PICALM: variants seen among roughly 807,000 people sequenced by gnomAD.
PICALM encodes phosphatidylinositol binding clathrin assembly protein.
Under a neutral mutation model 80.5 loss-of-function variants are expected in PICALM, and 40 were observed. The observed-to-expected ratio is 0.50, with a 90% confidence interval of 0.39 to 0.65. The LOEUF is 0.65. PICALM is among the 30% of genes least tolerant of loss of function. The probability of loss-of-function intolerance (pLI) is 0.00; values close to 1 mark genes in which losing one functional copy is unlikely to be tolerated. For missense variants in PICALM, 676 were observed against 778.9 expected, an observed-to-expected ratio of 0.87 and a Z score of 1.57; for synonymous variants, 288 against 260.3, an observed-to-expected ratio of 1.11 and a Z score of -1.02.
At chr11:85,976,800 T>C (rs996679441) in intron 17 of PICALM, 118 bp from the exon 18 acceptor site, 1 of 638,962 alleles carries the variant, frequency 1.6e-6, no homozygotes, top group African/African-American at 1.8e-5. Flanking sequence ...TGTGAGTAAG[T>C]GACACTTGTG....
intron 1 of PICALM, among the ~76,000 whole-genome samples, chr11:86,049,495 G>A (rs1172174660): frequency 2.6e-5 from 4 of 152,022 alleles, no homozygotes; most frequent in South Asian, 4.2e-4. Flanking sequence ...ATGACAGCTC[G>A]CCTGAAATAA....
chr11:85,959,071 A>G lies in PICALM; in HGVS notation c.1945-11T>C, dbSNP rs199561367. 910 of 1,570,660 alleles carry G rather than the reference A, an allele frequency of 5.8e-4. 7 individuals are homozygous for G. In the African/African-American group the frequency reaches 0.011, roughly 19 times the overall value. ...TTACATAAACTGTATCTGGAAAAAA[A>G]AAGTGGGTATGTTAATTCATTGTAT... On this transcript the variant is annotated splice_polypyrimidine_tract_variant and intron_variant, in intron 19 of 19. Transcript: ENST00000393346.
At chr11:86,020,095 A>G (rs2095540044) in intron 4 of PICALM, among the ~76,000 whole-genome samples, 2 of 152,222 alleles carry the variant, frequency 1.3e-5, no homozygotes, top group Admixed American at 1.3e-4. Context: ...CACTGACTAT[A>G]TCATTCATGT....
At chr11:86,017,288 C>A (rs2095496497) in intron 4 of PICALM, among the ~76,000 whole-genome samples, 1 of 151,118 alleles carries the variant, frequency 6.6e-6, no homozygotes, top group South Asian at 2.1e-4. Context: ...CCAAATGAAT[C>A]CAAGATTAAA....
intron 2 of PICALM, among the ~76,000 whole-genome samples, chr11:86,030,065 T>C (rs940050592): frequency 6.6e-6 from 1 of 152,102 alleles, no homozygotes; most frequent in Non-Finnish European, 1.5e-5. Flanking sequence ...GCAAGGAAAA[T>C]AGTTTAAAAA....
intron 1 of PICALM, among the ~76,000 whole-genome samples, chr11:86,053,326 G>A (rs561147210): frequency 7.2e-5 from 11 of 152,302 alleles, no homozygotes; most frequent in African/African-American, 2.4e-4. Flanking sequence ...TAAGGCAAAC[G>A]TGGACACAAA....
rs186460980 is a variant in PICALM at position 85,979,697 on chromosome 11, A to G, written c.1779+1432T>C. On this transcript the variant is annotated intron_variant, in intron 17 of 19. Coordinates refer to ENST00000393346, the MANE Select transcript of PICALM (RefSeq NM_007166.4). ...TTAGCTCAGTCCTACTAATTTTAAC[A>G]TATCATTAACCCACGGAAAACAGGG... Among the ~76,000 whole-genome samples, 625 of 152,302 alleles carry G rather than the reference A, an allele frequency of 4.1e-3. 5 individuals are homozygous for G. The highest frequency in any genetic ancestry group is 0.014 in the African/African-American group (593 of 41,560).
intron 1 of PICALM, among the ~76,000 whole-genome samples, chr11:86,033,269 G>GT (rs1565486952): frequency 1.3e-5 from 2 of 151,482 alleles, no homozygotes; most frequent in Non-Finnish European, 2.9e-5. Flanking sequence ...CATGGTGCAT[G>GT]GTGTGTGTGT....
chr11:86,002,151 CTCT>C (rs1466664303), intron 9 of PICALM, among the ~76,000 whole-genome samples: 1 of 152,176 alleles, frequency 6.6e-6, no homozygotes, highest in African/African-American at 2.4e-5. Flanking sequence ...AACTACGTGG[CTCT>C]TTTTTTCGTT....
At chr11:86,025,273 G>A (rs1434568875) in intron 3 of PICALM, among the ~76,000 whole-genome samples, 4 of 152,048 alleles carry the variant, frequency 2.6e-5, no homozygotes, top group Non-Finnish European at 4.4e-5. Context: ...GGTGACATGC[G>A]CGGGTAGTCC....
Position 86,026,370 on chromosome 11 carries a change from G to T in PICALM, c.274-3C>A. ...GAAGCCAAATACTGAATAAAACGCT[G>T]GAAAAAAAAAATTACATCATATTAA... On this transcript the variant is annotated splice_polypyrimidine_tract_variant and splice_region_variant and intron_variant, in intron 2 of 19. Coordinates refer to ENST00000393346, the MANE Select transcript of PICALM (RefSeq NM_007166.4). The T allele has an allele frequency of 1.3e-6, 2 of 1,574,400 alleles. No individual in the cohort carries two copies. The highest frequency in any genetic ancestry group is 1.1e-5 in the South Asian group (1 of 87,786).
intron 1 of PICALM, 63 bp downstream of exon 1, chr11:86,068,588 G>C (rs1221517211): frequency 1.3e-6 from 2 of 1,508,098 alleles, no homozygotes; most frequent in Admixed American, 2.0e-5. Flanking sequence ...AAGAGAGAGA[G>C]AGAAGGACGC....
chr11:85,969,076 T>G (rs181085605), intron 19 of PICALM, among the ~76,000 whole-genome samples: 752 of 151,746 alleles, frequency 5.0e-3, no homozygotes, highest in Non-Finnish European at 5.5e-3. Flanking sequence ...ATAATGACAA[T>G]TTCCTGAAGA....
chr11:86,066,072 C>T (rs186244384), intron 1 of PICALM, among the ~76,000 whole-genome samples: 1 of 152,134 alleles, frequency 6.6e-6, no homozygotes, highest in East Asian at 1.9e-4. Context: ...AGAAAAATTC[C>T]TAAAAGACAA....
At chr11:85,974,500 C>G in intron 19 of PICALM, 2 of 679,754 alleles carry the variant, frequency 2.9e-6, no homozygotes, top group Non-Finnish European at 5.5e-6. Flanking sequence ...AATTTTCTGT[C>G]TTTAGTATTT....
intron 1 of PICALM, among the ~76,000 whole-genome samples, chr11:86,053,161 G>C (rs901182275): frequency 3.3e-5 from 5 of 152,172 alleles, no homozygotes; most frequent in African/African-American, 1.2e-4. Flanking sequence ...AACCTGAATA[G>C]TGACACTGTT....
chr11:86,040,293 G>GT (rs1444522406), intron 1 of PICALM, among the ~76,000 whole-genome samples: 4 of 152,136 alleles, frequency 2.6e-5, no homozygotes, highest in Non-Finnish European at 5.9e-5. Flanking sequence ...GGTGAGGTAT[G>GT]TATGAGTGGC....
At chr11:85,990,527 A>G (rs910933469) in intron 12 of PICALM, 128 bp from the exon 13 acceptor site, 4 of 451,974 alleles carry the variant, frequency 8.9e-6, no homozygotes, top group Non-Finnish European at 1.5e-5. Context: ...AAATATCTAA[A>G]TTATCAAAAA....
intron 14 of PICALM, among the ~76,000 whole-genome samples, chr11:85,983,215 T>G (rs1244284583): frequency 1.3e-5 from 2 of 152,090 alleles, no homozygotes; most frequent in East Asian, 3.8e-4. Context: ...CTAACCAAAA[T>G]CAAAGGCCAT....
Sources: gnomAD v4.1 joint callset for allele counts (sites outside exome capture counted in the v4.1 genomes callset) on GRCh38, gnomAD v4.1.1 for gene constraint, MANE v1.5 for transcripts, NCBI Gene and HGNC (gene_info 2026-07-23, HGNC 2026-07-21) for gene names.